Variants in MYO18A observed in about 807,000 individuals in gnomAD.
MYO18A encodes myosin XVIIIA, also known as unconventional myosin-XVIIIa.
MYO18A carries 78 observed loss-of-function variants against 235.8 expected under a neutral mutation model. That is an observed-to-expected ratio of 0.33 (90% CI 0.28 to 0.40). The LOEUF is 0.40. Ranked by LOEUF, MYO18A falls within the 10% of genes least tolerant of loss-of-function variation. MYO18A has a pLI of 1.00. For missense variants in MYO18A, 2,215 were observed against 2,699.3 expected, an observed-to-expected ratio of 0.82 and a Z score of 3.98; for synonymous variants, 977 against 1,077.8, an observed-to-expected ratio of 0.91 and a Z score of 1.83.
At position 29,156,845 on chromosome 17, in the gene MYO18A, G is replaced by A. The variant is rs79792974; in HGVS notation, c.999+9097C>T. ...CAATGTGTAGAAGTGTACAAGGGAG[G>A]GCAGGGAAAGGGGCTACAGACAAAA... On this transcript the variant is annotated intron_variant, in intron 2 of 41. Coordinates refer to ENST00000527372, the MANE Select transcript of MYO18A (RefSeq NM_078471.4). Among the ~76,000 whole-genome samples the A allele has an allele frequency of 4.0e-3, 608 of 152,306 alleles. 3 individuals are homozygous for A. The highest frequency in any genetic ancestry group is 0.014 in the African/African-American group (571 of 41,564).
Position 29,094,100 on chromosome 17 carries a change from G to T in MYO18A, c.4711-10C>A. 6.3e-7 allele frequency: 1 copy of T among 1,591,130 alleles called. No individual in the cohort carries two copies. Among genetic ancestry groups the T allele is most frequent in the Non-Finnish European group, 8.6e-7 (1 of 1,168,334 alleles). On this transcript the variant is annotated splice_polypyrimidine_tract_variant and intron_variant, in intron 30 of 41. Transcript: ENST00000527372. ...CCAGACGCAGCTTGGCCTGGAGGTG[G>T]TTGGAGTAGGGTCTGGGTTCCCTCC... is the stretch of plus-strand genomic sequence containing the variant.
In MYO18A at chr17:29,142,201, G is replaced by A. The variant is rs182041619; in HGVS notation, c.1000-19948C>T. On this transcript the variant is annotated intron_variant, in intron 2 of 41. Coordinates refer to ENST00000527372, the MANE Select transcript of MYO18A (RefSeq NM_078471.4). Reference sequence around the variant, plus strand: ...CCCGCCTTGGCCTCCCAGAGTGCTGGAATTACAGGCGTGAGCCACTGCGCC... The same window carrying A: ...CCCGCCTTGGCCTCCCAGAGTGCTGAAATTACAGGCGTGAGCCACTGCGCC... Among the ~76,000 whole-genome samples the A allele has an allele frequency of 3.1e-3, 467 of 152,310 alleles. 2 individuals are homozygous for A. Among genetic ancestry groups the A allele is most frequent in the African/African-American group, 0.01 (428 of 41,560 alleles).
chr17:29,103,847 G>T (rs762880101), intron 20 of MYO18A, among the ~76,000 whole-genome samples, 183 bp from the exon 21 acceptor site: 1 of 152,254 alleles, frequency 6.6e-6, no homozygotes, highest in Non-Finnish European at 1.5e-5. Context: ...GACTACGAGA[G>T]GAACAAACCG....
At chr17:29,161,287 G>A (rs944679293) in intron 2 of MYO18A, among the ~76,000 whole-genome samples, 11 of 150,642 alleles carry the variant, frequency 7.3e-5, no homozygotes, top group Non-Finnish European at 1.3e-4. Flanking sequence ...CCAGGGAGAC[G>A]GAAGTTGCAG....
chr17:29,099,143 A>G (rs994973659), intron 22 of MYO18A, among the ~76,000 whole-genome samples, 174 bp from the exon 23 acceptor site: 1 of 152,056 alleles, frequency 6.6e-6, no homozygotes, highest in Non-Finnish European at 1.5e-5. Flanking sequence ...CCGTCCCTCA[A>G]AGGGTGGGCA....
intron 1 of MYO18A, among the ~76,000 whole-genome samples, chr17:29,174,308 C>A (rs1276055752): frequency 1.3e-5 from 2 of 151,998 alleles, no homozygotes; most frequent in East Asian, 3.9e-4. Context: ...GAGTTTGAGA[C>A]CAGCCTAGAC....
intron 2 of MYO18A, among the ~76,000 whole-genome samples, chr17:29,148,958 G>A (rs887667015): frequency 6.6e-6 from 1 of 152,228 alleles, no homozygotes; most frequent in Non-Finnish European, 1.5e-5. Flanking sequence ...CGGGGCCAAG[G>A]GGGTGGGGCC....
intron 2 of MYO18A, among the ~76,000 whole-genome samples, chr17:29,163,392 T>A (rs1469067455): frequency 6.6e-6 from 1 of 152,204 alleles, no homozygotes; most frequent in Non-Finnish European, 1.5e-5. Context: ...AGAAAAGATA[T>A]GGGCTTCTTT....
chr17:29,177,945 A>T (rs1479866896), intron 1 of MYO18A, among the ~76,000 whole-genome samples: 1 of 152,174 alleles, frequency 6.6e-6, no homozygotes, highest in African/African-American at 2.4e-5. Context: ...AGTCCAGATG[A>T]AGGCTTCCTG....
chr17:29,094,106 G>A lies in MYO18A; in HGVS notation c.4711-16C>T, dbSNP rs773160110. ...GCAGCTTGGCCTGGAGGTGGTTGGAGTAGGGTCTGGGTTCCCTCCCCAGCT... is the reference window on the plus strand; with the variant it reads ...GCAGCTTGGCCTGGAGGTGGTTGGAATAGGGTCTGGGTTCCCTCCCCAGCT... On this transcript the variant is annotated splice_polypyrimidine_tract_variant and intron_variant, in intron 30 of 41. Coordinates refer to ENST00000527372, the MANE Select transcript of MYO18A (RefSeq NM_078471.4). 6 of 1,584,074 alleles carry A rather than the reference G, an allele frequency of 3.8e-6. No individual in the cohort carries two copies. Among genetic ancestry groups the A allele is most frequent in the Non-Finnish European group, 3.4e-6 (4 of 1,163,980 alleles).
At chr17:29,164,830 C>G (rs1386476491) in intron 2 of MYO18A, among the ~76,000 whole-genome samples, 1 of 152,218 alleles carries the variant, frequency 6.6e-6, no homozygotes, top group Non-Finnish European at 1.5e-5. Flanking sequence ...AACCTCTCTG[C>G]TCCTGTGCCT....
rs908683116 is a variant in MYO18A at position 29,072,997 on chromosome 17, G to A, written c.*1773C>T. On this transcript the variant is annotated 3_prime_UTR_variant, in exon 42 of 42. Transcript: ENST00000527372. ...GCCCGAGCTAGTTCTGCCAAGTTTT[G>A]ATCAAAAAGTCACCTTTGAAATGGC... 1.3e-5 allele frequency: 2 copies of A among 152,026 alleles called. No homozygotes were observed. Among genetic ancestry groups the A allele is most frequent in the Non-Finnish European group, 2.9e-5 (2 of 68,030 alleles). The allele number at this position is 152,026 out of a possible 1,614,324, so 9.4% of individuals were successfully genotyped here.
intron 2 of MYO18A, among the ~76,000 whole-genome samples, chr17:29,136,495 T>A (rs1318119640): frequency 6.6e-6 from 1 of 152,108 alleles, no homozygotes; most frequent in Non-Finnish European, 1.5e-5. Flanking sequence ...TTCAGCCATT[T>A]CCAGCAACAT....
rs756183177 is a variant in MYO18A at position 29,098,488 on chromosome 17, G to A, written c.3781-43C>T. 1.1e-5 allele frequency: 17 copies of A among 1,605,128 alleles called. No individual in the cohort carries two copies. The Middle Eastern group carries it at 5.1e-4, about 48-fold the overall frequency. On this transcript the variant is annotated intron_variant, in intron 23 of 41. Coordinates refer to ENST00000527372, the MANE Select transcript of MYO18A (RefSeq NM_078471.4). ...GGGCAAAGTGAGCCAAAGGCACTGCGAGGGATTGGGGCCCTGGGTCTGCAC... is the reference window on the plus strand; with the variant it reads ...GGGCAAAGTGAGCCAAAGGCACTGCAAGGGATTGGGGCCCTGGGTCTGCAC...
chr17:29,083,532 GCACACACACACA>G (rs57491599), intron 40 of MYO18A, among the ~76,000 whole-genome samples: 1 of 144,664 alleles, frequency 6.9e-6, no homozygotes, highest in African/African-American at 2.6e-5. Flanking sequence ...GCGCGCGCGC[GCACACACACACA>G]CACACACACA....
In MYO18A at chr17:29,120,598, C is replaced by T. The variant is rs1200465918; in HGVS notation, c.1728+18G>A. 3.1e-6 allele frequency: 5 copies of T among 1,610,580 alleles called. No homozygotes were observed. Among genetic ancestry groups the T allele is most frequent in the Non-Finnish European group, 4.2e-6 (5 of 1,178,188 alleles). ...TGGCCTGTGTCCTACTACCCCGAGT[C>T]CTGGGCAGCACTCTCACCTGAATGG... On this transcript the variant is annotated intron_variant, in intron 7 of 41. Transcript: ENST00000527372. This position sits in a 1 kb window ranked among gnomAD's most constrained non-coding sequence, Gnocchi z 4.2.
chr17:29,080,532 G>A (rs913480501), intron 41 of MYO18A: 4 of 985,998 alleles, frequency 4.1e-6, no homozygotes, highest in Non-Finnish European at 1.2e-6. Context: ...TCAGGGAAGG[G>A]CTGAGTGTCC....
chr17:29,177,207 G>A (rs1448751120), intron 1 of MYO18A, among the ~76,000 whole-genome samples: 1 of 152,172 alleles, frequency 6.6e-6, no homozygotes, highest in Non-Finnish European at 1.5e-5. Flanking sequence ...TTGTAATCCC[G>A]CTCTGCCTCT....
chr17:29,167,852 C>A (rs1236329378), intron 1 of MYO18A, among the ~76,000 whole-genome samples: 4 of 152,218 alleles, frequency 2.6e-5, no homozygotes, highest in Non-Finnish European at 5.9e-5. Flanking sequence ...CCCTTAGCCA[C>A]CGCCTAACAG....
Sources: allele counts gnomAD v4.1 joint callset (sites outside exome capture counted in the v4.1 genomes callset), GRCh38; gene constraint gnomAD v4.1.1; non-coding constraint Gnocchi (gnomAD v3.1); transcripts MANE v1.5; gene names NCBI Gene and HGNC (gene_info 2026-07-23, HGNC 2026-07-21).